RGS6: variants seen among roughly 807,000 people sequenced by gnomAD.
RGS6 encodes the protein regulator of G-protein signaling 6.
RGS6 carries 30 observed loss-of-function variants against 78.5 expected under a neutral mutation model. The observed-to-expected ratio is 0.38, with a 90% CI of 0.29 to 0.52. The LOEUF (loss-of-function observed/expected upper bound fraction) is 0.52, where lower values mean the gene tolerates loss of function less well. Ranked by LOEUF, RGS6 falls within the 20% of genes least tolerant of loss-of-function variation. The pLI is 0.85. For missense variants in RGS6, 495 were observed against 609.7 expected (o/e 0.81, Z 1.98); for synonymous variants, 206 against 206.0 (o/e 1.00, Z 0.00).
At chr14:72,154,849 T>C (rs1184028994) in intron 2 of RGS6, among the ~76,000 whole-genome samples, 1 of 152,244 alleles carries the variant, frequency 6.6e-6, no homozygotes, top group East Asian at 1.9e-4. Flanking sequence ...TAATGAGGCT[T>C]GTTCCCTCAA....
chr14:72,514,276 C>T (rs768474295), intron 14 of RGS6, among the ~76,000 whole-genome samples: 42 of 152,192 alleles, frequency 2.8e-4, no homozygotes, highest in Non-Finnish European at 4.9e-4. Flanking sequence ...CTGGAGTTTG[C>T]TTTTTCTCTG....
chr14:72,338,367 G>A (rs1309616053), intron 2 of RGS6, among the ~76,000 whole-genome samples: 1 of 152,204 alleles, frequency 6.6e-6, no homozygotes, highest in Non-Finnish European at 1.5e-5. Flanking sequence ...AAGAGAGTGA[G>A]AGCCAAGCAA....
intron 2 of RGS6, among the ~76,000 whole-genome samples, chr14:72,029,746 CT>C (rs748678619): frequency 5.9e-5 from 9 of 152,124 alleles, no homozygotes; most frequent in Non-Finnish European, 8.8e-5. Context: ...AGAGGAAGGG[CT>C]TTGGATAAGG....
chr14:71,958,207 CA>C (rs2092936862), intron 1 of RGS6, among the ~76,000 whole-genome samples: 5 of 152,128 alleles, frequency 3.3e-5, no homozygotes, highest in Admixed American at 3.3e-4. Flanking sequence ...TACTATGTTC[CA>C]GGCTTTGTGC....
At chr14:71,906,167 C>A in the RGS6 span, among the ~76,000 whole-genome samples, 11 of 152,326 alleles carry the variant, frequency 7.2e-5, no homozygotes, top group South Asian at 2.1e-3. Context: ...TAGATCTCTG[C>A]GTATCCTCGC....
At chr14:72,309,453 A>G (rs1040842415) in intron 2 of RGS6, among the ~76,000 whole-genome samples, 1 of 152,212 alleles carries the variant, frequency 6.6e-6, no homozygotes, top group Non-Finnish European at 1.5e-5. Context: ...GAGTGGATAC[A>G]TATGTGTCTT....
At chr14:71,924,797 A>T in the RGS6 span, among the ~76,000 whole-genome samples, 1 of 152,226 alleles carries the variant, frequency 6.6e-6, no homozygotes, top group African/African-American at 2.4e-5. Flanking sequence ...TCTACATAAT[A>T]ACAGTTTCTT....
At chr14:72,168,863 A>C (rs1188952279) in intron 2 of RGS6, among the ~76,000 whole-genome samples, 2 of 152,162 alleles carry the variant, frequency 1.3e-5, no homozygotes, top group Non-Finnish European at 2.9e-5. Flanking sequence ...TTCTTGCCCC[A>C]GGGTGGTTTT....
chr14:72,261,544 C>A (rs1207925526), intron 2 of RGS6, among the ~76,000 whole-genome samples: 3 of 152,076 alleles, frequency 2.0e-5, no homozygotes, highest in Non-Finnish European at 4.4e-5. Context: ...AGCTGTCCAG[C>A]TGCAGGGAAT....
At chr14:72,170,359 T>G (rs1050231581) in intron 2 of RGS6, among the ~76,000 whole-genome samples, 1 of 152,236 alleles carries the variant, frequency 6.6e-6, no homozygotes, top group Non-Finnish European at 1.5e-5. Flanking sequence ...CAAACTTGCG[T>G]TCACCCTATA....
intron 2 of RGS6, among the ~76,000 whole-genome samples, chr14:72,275,838 G>A (rs1352349888): frequency 2.0e-5 from 3 of 152,178 alleles, no homozygotes; most frequent in Admixed American, 6.5e-5. Context: ...ATATATTGCA[G>A]AGTCTCTACT....
intron 2 of RGS6, among the ~76,000 whole-genome samples, chr14:72,322,993 T>C (rs2072528046): frequency 6.6e-6 from 1 of 152,048 alleles, no homozygotes; most frequent in Non-Finnish European, 1.5e-5. Context: ...CAAGGAAAGA[T>C]ACCTTAATCA....
chr14:72,608,735 C>T, the RGS6 span, among the ~76,000 whole-genome samples: 476 of 152,320 alleles, frequency 3.1e-3, 8 homozygotes, highest in Non-Finnish European at 1.4e-3. Context: ...AAAGCTGTCA[C>T]GGTGACTGTG....
intron 2 of RGS6, among the ~76,000 whole-genome samples, chr14:72,071,657 C>A (rs1204584078): frequency 1.3e-5 from 2 of 152,130 alleles, no homozygotes; most frequent in African/African-American, 4.8e-5. Flanking sequence ...ATTAACATAT[C>A]TATGTGCATA....
At chr14:72,570,757 A>AGG (rs1431723040), downstream of RGS6, among the ~76,000 whole-genome samples, 1 of 152,252 alleles carries the variant, frequency 6.6e-6, no homozygotes. Context: ...GAGATGACCC[A>AGG]GGGGTCCCCT....
intron 2 of RGS6, among the ~76,000 whole-genome samples, chr14:72,331,923 C>G (rs1216480359): frequency 2.0e-5 from 3 of 152,140 alleles, no homozygotes; most frequent in African/African-American, 7.2e-5. Flanking sequence ...GAAATTATTC[C>G]AATTATCTAA....
At chr14:72,416,897 C>G (rs750716164) in intron 3 of RGS6, among the ~76,000 whole-genome samples, 1 of 152,164 alleles carries the variant, frequency 6.6e-6, no homozygotes, top group Non-Finnish European at 1.5e-5. Context: ...CATATATACC[C>G]CTATAACCAT....
Position 72,295,726 on chromosome 14 carries a change from A to G in RGS6, c.85-56369A>G, listed in dbSNP as rs532189223. 5.1e-4 allele frequency among the ~76,000 whole-genome samples: 78 copies of G among 152,354 alleles called. 2 individuals are homozygous for G. In the South Asian group the frequency reaches 0.016, roughly 32 times the overall value. ...ATATAATATTAATATTTGACATTCTATTGGATTTAAGCAGCCAGTGGGAAG... is the reference window on the plus strand; with the variant it reads ...ATATAATATTAATATTTGACATTCTGTTGGATTTAAGCAGCCAGTGGGAAG... On this transcript the variant is annotated intron_variant, in intron 2 of 17. Coordinates refer to ENST00000553525, the MANE Select transcript of RGS6 (RefSeq NM_001204424.2).
chr14:72,222,916 T>A (rs1237171347), intron 2 of RGS6, among the ~76,000 whole-genome samples: 1 of 152,226 alleles, frequency 6.6e-6, no homozygotes, highest in Non-Finnish European at 1.5e-5. Flanking sequence ...GTTAAATATT[T>A]CCTGAGCAGT....
Sources: gnomAD v4.1 joint callset for allele counts (sites outside exome capture counted in the v4.1 genomes callset) on GRCh38, gnomAD v4.1.1 for gene constraint, MANE v1.5 for transcripts, NCBI Gene and HGNC (gene_info 2026-07-23, HGNC 2026-07-21) for gene names.